The following CPEB4 variants were observed in gnomAD, a reference collection of about 807,000 sequenced individuals.
The protein encoded by CPEB4 is cytoplasmic polyadenylation element binding protein 4.
CPEB4 carries 12 observed loss-of-function variants against 72.5 expected under a neutral mutation model. The ratio of observed to expected loss-of-function variants is 0.17; its 90% CI spans 0.11 to 0.27. The LOEUF (loss-of-function observed/expected upper bound fraction) is 0.27, where lower values mean the gene tolerates loss of function less well. Ranked by LOEUF, CPEB4 falls within the 10% of genes least tolerant of loss-of-function variation. CPEB4 has a pLI of 1.00. For missense variants in CPEB4, 614 were observed against 908.5 expected, an observed-to-expected ratio of 0.68 and a Z score of 4.17; for synonymous variants, 302 against 326.3, an observed-to-expected ratio of 0.93 and a Z score of 0.80.
In CPEB4 at chr5:173,945,207, TGTTACAA is replaced by T. The variant is rs1014575569; in HGVS notation, c.1456+68_1456+74del. 5.1e-6 allele frequency: 7 copies of T among 1,374,454 alleles called. No individual in the cohort carries two copies. In the African/African-American group the frequency reaches 1.0e-4, roughly 20 times the overall value. The allele number at this position is 1,374,454 out of a possible 1,614,324, so 85.1% of individuals were successfully genotyped here. ...CACATAGTAGGAAACTCACAGATAG[TGTTACAA>T]TAACAGTCTTATCTGGCTCCAATAG... On this transcript the variant is annotated intron_variant, in intron 5 of 9. Coordinates refer to ENST00000265085, the MANE Select transcript of CPEB4 (RefSeq NM_030627.4).
intron 5 of CPEB4, among the ~76,000 whole-genome samples, chr5:173,948,100 C>A (rs1166186530): frequency 6.6e-6 from 1 of 152,022 alleles, no homozygotes; most frequent in East Asian, 1.9e-4. Flanking sequence ...AAAATAGACC[C>A]AAACTGATAT....
In CPEB4 at chr5:173,950,933, C is replaced by A. The variant is rs1278493024; in HGVS notation, c.1665+855C>A. Among the ~76,000 whole-genome samples, 2 of 152,180 alleles carry A rather than the reference C, an allele frequency of 1.3e-5. No homozygotes were observed. The highest frequency in any genetic ancestry group is 2.9e-5 in the Non-Finnish European group (2 of 68,034). The stretch of plus-strand genomic sequence containing the variant: ...TGTTTTGATGACTCTGGCAAAGCAG[C>A]AGTTTATTATCACTCAGCCAGCACC... On this transcript the variant is annotated intron_variant, in intron 7 of 9. Coordinates refer to ENST00000265085, the MANE Select transcript of CPEB4 (RefSeq NM_030627.4). This position sits in a 1 kb window ranked among gnomAD's most constrained non-coding sequence, Gnocchi z 5.0.
At chr5:173,914,532 C>G (rs1756792374) in intron 2 of CPEB4, among the ~76,000 whole-genome samples, 1 of 152,112 alleles carries the variant, frequency 6.6e-6, no homozygotes, top group Admixed American at 6.5e-5. Flanking sequence ...CAGGTGGGTG[C>G]ATCACCTGAG....
chr5:173,944,500 T>G (rs182360362), intron 4 of CPEB4, among the ~76,000 whole-genome samples: 1 of 151,680 alleles, frequency 6.6e-6, no homozygotes, highest in Admixed American at 6.6e-5. Flanking sequence ...AAAAATTGAC[T>G]TGTTCATTTT....
intron 2 of CPEB4, among the ~76,000 whole-genome samples, chr5:173,917,921 G>A (rs1042143114): frequency 6.6e-6 from 1 of 152,200 alleles, no homozygotes; most frequent in Non-Finnish European, 1.5e-5. Flanking sequence ...TCTGGCTGAA[G>A]CCTTCCTGAA....
chr5:173,901,617 G>T (rs359423), intron 1 of CPEB4, among the ~76,000 whole-genome samples: 16,543 of 152,212 alleles, frequency 0.11, 1,111 homozygotes, highest in Middle Eastern at 0.21. Context: ...CTGAACATCT[G>T]CTCTGAAGTC....
chr5:173,914,262 A>G (rs189085995), intron 2 of CPEB4, among the ~76,000 whole-genome samples: 23 of 152,308 alleles, frequency 1.5e-4, no homozygotes, highest in Middle Eastern at 3.4e-3. Context: ...TAGCTATTTT[A>G]GGAATACTAT....
intron 2 of CPEB4, among the ~76,000 whole-genome samples, chr5:173,919,398 C>T (rs1756995700): frequency 6.6e-6 from 1 of 152,190 alleles, no homozygotes; most frequent in South Asian, 2.1e-4. Context: ...GACCTTCCTA[C>T]TGTAAAAAAG....
intron 2 of CPEB4, among the ~76,000 whole-genome samples, chr5:173,926,413 A>G (rs914830562): frequency 1.3e-5 from 2 of 152,316 alleles, no homozygotes; most frequent in African/African-American, 4.8e-5. Flanking sequence ...ATTCTAAGTC[A>G]GTCTGTTGGT....
chr5:173,900,080 G>T lies in CPEB4; in HGVS notation c.1125+9222G>T, dbSNP rs535716208. ...AAGGCTCACAGAAGAGATGTCGAGG[G>T]TTACAAGACATAAGCTTCAGTTTAG... On this transcript the variant is annotated intron_variant, in intron 1 of 9. Coordinates refer to ENST00000265085, the MANE Select transcript of CPEB4 (RefSeq NM_030627.4). The surrounding 1 kb of genome is among the most constrained non-coding windows in gnomAD (Gnocchi z 4.4). Among the ~76,000 whole-genome samples, 1 of 152,050 alleles carries T rather than the reference G, an allele frequency of 6.6e-6. No individual in the cohort carries two copies. Among genetic ancestry groups the T allele is most frequent in the Non-Finnish European group, 1.5e-5 (1 of 68,004 alleles).
intron 3 of CPEB4, 146 bp downstream of exon 3, chr5:173,932,646 T>C: frequency 3.3e-6 from 2 of 601,492 alleles, no homozygotes; most frequent in Non-Finnish European, 5.6e-6. Flanking sequence ...AATGATTCTT[T>C]TAGCTCACAA....
chr5:173,938,418 G>T (rs568301332), intron 3 of CPEB4, among the ~76,000 whole-genome samples: 2 of 152,230 alleles, frequency 1.3e-5, no homozygotes, highest in East Asian at 1.9e-4. Context: ...TATAGACAGG[G>T]TTTTACCATA....
intron 3 of CPEB4, 22 bp downstream of exon 3, chr5:173,932,522 C>G: frequency 6.3e-7 from 1 of 1,587,676 alleles, no homozygotes; most frequent in Non-Finnish European, 8.6e-7. Context: ...TTGATTTACC[C>G]TAGTGAAGTG....
At position 173,961,618 on chromosome 5, in the gene CPEB4, C is replaced by G. The variant is rs1305823661; in HGVS notation, c.*5481C>G. On this transcript the variant is annotated 3_prime_UTR_variant, in exon 10 of 10. Coordinates refer to ENST00000265085, the MANE Select transcript of CPEB4 (RefSeq NM_030627.4). ...ACCAGATGAATAAACAGTGGAAATT[C>G]TCTACCACACTCTTAACAATCAAGT... 2 of 151,908 alleles carry G rather than the reference C, an allele frequency of 1.3e-5. No homozygotes were observed. The highest frequency in any genetic ancestry group is 1.5e-5 in the Non-Finnish European group (1 of 67,976). 9.4% of individuals were successfully genotyped at this position (151,908 alleles called of 1,614,324 possible).
chr5:173,891,540 T>A (rs1755810556), intron 1 of CPEB4: 1 of 152,238 alleles, frequency 6.6e-6, no homozygotes, highest in Non-Finnish European at 1.5e-5. Context: ...AGTGACTCTT[T>A]ATGCCTTTCA....
At position 173,956,603 on chromosome 5, in the gene CPEB4, C is replaced by CTTTTTTTTTTTTTTTT. The variant is rs55771761; in HGVS notation, c.*467_*482dup. On this transcript the variant is annotated 3_prime_UTR_variant, in exon 10 of 10. Transcript: ENST00000265085. The stretch of plus-strand genomic sequence containing the variant: ...GGGAAGTGCTTTTGCCTTTTCCTTT[C>CTTTTTTTTTTTTTTTT]TTTTTTTTTTTTTTTTCATCTTTTT... 1.5e-5 allele frequency: 2 copies of CTTTTTTTTTTTTTTTT among 133,064 alleles called. No homozygotes were observed. The highest frequency in any genetic ancestry group is 2.7e-5 in the African/African-American group (1 of 36,990). The allele number at this position is 133,064 out of a possible 1,614,324, so 8.2% of individuals were successfully genotyped here. A position where few individuals can be genotyped will look rare whatever the true frequency, so the allele number is the denominator to read the frequency against.
At chr5:173,895,586 C>T (rs1755976972) in intron 1 of CPEB4, among the ~76,000 whole-genome samples, 1 of 152,186 alleles carries the variant, frequency 6.6e-6, no homozygotes, top group Non-Finnish European at 1.5e-5. Context: ...AATAGGCAAC[C>T]TCATTACATT....
chr5:173,943,111 A>G, intron 4 of CPEB4, 62 bp downstream of exon 4: 2 of 1,529,312 alleles, frequency 1.3e-6, no homozygotes, highest in South Asian at 2.3e-5. Flanking sequence ...AAGCTTGTTT[A>G]ATTTCTAACC....
At chr5:173,907,829 T>C (rs988897550) in intron 1 of CPEB4, among the ~76,000 whole-genome samples, 1 of 152,148 alleles carries the variant, frequency 6.6e-6, no homozygotes, top group Non-Finnish European at 1.5e-5. Context: ...CTCAGGCTCT[T>C]TTGGACAGTC....
Sources: gnomAD v4.1 joint callset for allele counts (sites outside exome capture counted in the v4.1 genomes callset) on GRCh38, gnomAD v4.1.1 for gene constraint, Gnocchi (gnomAD v3.1) non-coding constraint, MANE v1.5 for transcripts, NCBI Gene and HGNC (gene_info 2026-07-23, HGNC 2026-07-21) for gene names.